The following TSHZ3 variants were observed in gnomAD, a reference collection of about 807,000 sequenced individuals.
The protein encoded by TSHZ3 is teashirt zinc finger homeobox 3.
A neutral mutation model predicts 64.5 loss-of-function variants in TSHZ3; 10 were observed. The ratio of observed to expected loss-of-function variants is 0.16; its 90% CI spans 0.10 to 0.26. TSHZ3 has a LOEUF of 0.26. Among genes scored for constraint, TSHZ3 ranks in the 10% least tolerant of loss-of-function variants. The probability of loss-of-function intolerance (pLI) is 1.00; values close to 1 mark genes in which losing one functional copy is unlikely to be tolerated. For synonymous variants in TSHZ3, 608 were observed against 593.1 expected (o/e 1.03, Z -0.36); for missense variants, 1,242 against 1,421.7 (o/e 0.87, Z 2.03).
At chr19:31,339,806 A>AGG (rs397962923) in intron 1 of TSHZ3, among the ~76,000 whole-genome samples, 1 of 148,634 alleles carries the variant, frequency 6.7e-6, no homozygotes, top group African/African-American at 2.5e-5. Context: ...GAAAAAAAAA[A>AGG]GGGGGGGGCG....
At chr19:31,176,878 A>T (rs1599561897) in intron 5 of TSHZ3, among the ~76,000 whole-genome samples, 1 of 152,200 alleles carries the variant, frequency 6.6e-6, no homozygotes, top group South Asian at 2.1e-4. Flanking sequence ...GAAGGACAGA[A>T]AGTACCAAGA....
intron 5 of TSHZ3, among the ~76,000 whole-genome samples, chr19:31,176,143 G>A (rs922899310): frequency 1.1e-4 from 17 of 152,294 alleles, no homozygotes; most frequent in African/African-American, 4.1e-4. Flanking sequence ...GGTAGGTGGT[G>A]CAGACTGAGG....
At chr19:31,240,003 ATTAT>A (rs1266337918) in intron 3 of TSHZ3, among the ~76,000 whole-genome samples, 1 of 151,948 alleles carries the variant, frequency 6.6e-6, no homozygotes, top group Non-Finnish European at 1.5e-5. Context: ...TTTGACTCTG[ATTAT>A]TTATTTTACA....
intron 1 of TSHZ3, among the ~76,000 whole-genome samples, chr19:31,264,790 A>G (rs796954354): frequency 9.9e-5 from 15 of 151,962 alleles, no homozygotes; most frequent in African/African-American, 3.6e-4. Context: ...ACATTTTGCA[A>G]CCTGTGCCAG....
intron 1 of TSHZ3, among the ~76,000 whole-genome samples, chr19:31,317,303 T>C (rs1005429143): frequency 6.6e-6 from 1 of 152,094 alleles, no homozygotes; most frequent in Non-Finnish European, 1.5e-5. Context: ...GGGCAGCTGT[T>C]CCAGCCGAGC....
rs1007997466 is a variant in TSHZ3 at position 31,248,676 on chromosome 19, A to G, written n.64-5801T>C. On this transcript the variant is annotated intron_variant and non_coding_transcript_variant, in intron 1 of 6. Coordinates refer to the TSHZ3 transcript ENST00000651361. ...CATAGTGGCTTGTGCCTGTGGTCCC[A>G]GCTACTTGGGAGGCTGAGGAGGGAG... is the stretch of plus-strand genomic sequence containing the variant. Among the ~76,000 whole-genome samples, 2 of 151,740 alleles carry G rather than the reference A, an allele frequency of 1.3e-5. 1 individual carries two copies. Among genetic ancestry groups the G allele is most frequent in the South Asian group, 4.2e-4 (2 of 4,776 alleles).
At chr19:31,155,389 T>C (rs555726341) in intron 6 of TSHZ3, among the ~76,000 whole-genome samples, 6 of 152,342 alleles carry the variant, frequency 3.9e-5, no homozygotes, top group African/African-American at 1.4e-4. Context: ...TAGCCATAAA[T>C]CTAATTTGTT....
At chr19:31,319,530 G>T (rs1916704676) in intron 1 of TSHZ3, among the ~76,000 whole-genome samples, 1 of 152,038 alleles carries the variant, frequency 6.6e-6, no homozygotes, top group African/African-American at 2.4e-5. Flanking sequence ...CCACAACCTG[G>T]GCTTCTCCCC....
chr19:31,264,707 T>C (rs1025318019), intron 1 of TSHZ3, among the ~76,000 whole-genome samples: 1 of 139,146 alleles, frequency 7.2e-6, no homozygotes, highest in Admixed American at 7.3e-5. Flanking sequence ...TTTGTGGGTT[T>C]TTCTTTTTTT....
chr19:31,194,178 C>A (rs953018880), intron 5 of TSHZ3, among the ~76,000 whole-genome samples: 7 of 152,116 alleles, frequency 4.6e-5, no homozygotes, highest in African/African-American at 1.7e-4. Context: ...TGTGGATAAA[C>A]CTGAGAGTTA....
At chr19:31,325,779 C>T (rs545651090) in intron 1 of TSHZ3, among the ~76,000 whole-genome samples, 2 of 152,194 alleles carry the variant, frequency 1.3e-5, no homozygotes, top group East Asian at 3.9e-4. Context: ...CTAGAAGCAA[C>T]CAGAATGTCC....
chr19:31,315,834 T>C (rs1329154227), intron 1 of TSHZ3, among the ~76,000 whole-genome samples: 2 of 152,182 alleles, frequency 1.3e-5, no homozygotes, highest in African/African-American at 4.8e-5. Context: ...TCTCTGCTGC[T>C]TGATTGACAA....
intron 4 of TSHZ3, among the ~76,000 whole-genome samples, chr19:31,221,733 T>C (rs1424490514): frequency 6.6e-6 from 1 of 152,184 alleles, no homozygotes; most frequent in African/African-American, 2.4e-5. Flanking sequence ...TGTCCATGAG[T>C]TTATTATCTT....
At chr19:31,308,631 G>A (rs574013771) in intron 1 of TSHZ3, 187 of 398,528 alleles carry the variant, frequency 4.7e-4, no homozygotes, top group South Asian at 4.5e-3. Context: ...CAGGTACACA[G>A]GGGTAGTGTG....
intron 4 of TSHZ3, among the ~76,000 whole-genome samples, chr19:31,206,940 T>C (rs1568347954): frequency 1.3e-5 from 2 of 152,306 alleles, no homozygotes; most frequent in East Asian, 3.9e-4. Context: ...AGAAACAATA[T>C]TGAGGAAAGT....
chr19:31,172,851 G>T (rs1224601908), intron 5 of TSHZ3, among the ~76,000 whole-genome samples: 4 of 152,218 alleles, frequency 2.6e-5, no homozygotes, highest in African/African-American at 9.6e-5. Context: ...CTTAGGGAGA[G>T]AGGCAAAGGC....
chr19:31,154,512 C>T (rs935885674), intron 6 of TSHZ3, among the ~76,000 whole-genome samples: 2 of 152,138 alleles, frequency 1.3e-5, no homozygotes, highest in African/African-American at 2.4e-5. Flanking sequence ...AGGTTCCTGT[C>T]ACATGACCAG....
At position 31,277,826 on chromosome 19, in the gene TSHZ3, A is replaced by C. The variant is rs753293452; in HGVS notation, c.1967T>G (p.Met656Arg). The change falls in exon 2 of 2, where the codon ATG becomes AGG. Residue 656 changes from methionine (M) to arginine (R), a missense_variant. Transcript: ENST00000240587. This position sits in a 1 kb window ranked among gnomAD's most constrained non-coding sequence, Gnocchi z 4.5. ...GAAGCCCCCATCGCTGGATGCCTCC[A>C]TCTTGATGGGTTCCCCGACTTCGCT... is the stretch of plus-strand genomic sequence containing the variant. ...CSSEVGEPIK[M>R]EASSDGGFRS... is the part of the protein sequence containing the mutation. The C allele has an allele frequency of 6.4e-7, 1 of 1,570,972 alleles. No individual in the cohort carries two copies. Among genetic ancestry groups the C allele is most frequent in the South Asian group, 1.2e-5 (1 of 82,154 alleles).
At chr19:31,272,413 C>A (rs187520829), downstream of TSHZ3, among the ~76,000 whole-genome samples, 41 of 152,168 alleles carry the variant, frequency 2.7e-4, no homozygotes, top group Non-Finnish European at 5.7e-4. Flanking sequence ...TCTGTCTGAG[C>A]GCAGGGCAGA....
Sources: allele counts gnomAD v4.1 joint callset (sites outside exome capture counted in the v4.1 genomes callset), GRCh38; gene constraint gnomAD v4.1.1; non-coding constraint Gnocchi (gnomAD v3.1); transcripts MANE v1.5; gene names NCBI Gene and HGNC (gene_info 2026-07-23, HGNC 2026-07-21).